Variants in FSCN1 observed in about 807,000 individuals in gnomAD.
FSCN1 encodes fascin.
In FSCN1, 10 loss-of-function variants were observed where a neutral mutation model predicts 39.7. That is an observed-to-expected ratio of 0.25 (90% CI 0.16 to 0.43). FSCN1 has a LOEUF of 0.43. Among genes scored for constraint, FSCN1 ranks in the 20% least tolerant of loss-of-function variants. The pLI, the probability that FSCN1 is intolerant of heterozygous loss-of-function variation, is 1.00. For synonymous variants in FSCN1, 322 were observed against 320.0 expected (o/e 1.01, Z -0.07); for missense variants, 525 against 723.8 (o/e 0.73, Z 3.15).
chr7:5,598,331 C>A (rs999176004), intron 1 of FSCN1, among the ~76,000 whole-genome samples: 1 of 152,202 alleles, frequency 6.6e-6, no homozygotes, highest in Non-Finnish European at 1.5e-5. Context: ...GTACAGATGG[C>A]GGCAGTTGTG....
At chr7:5,598,832 C>G (rs555550934) in intron 1 of FSCN1, among the ~76,000 whole-genome samples, 1 of 152,226 alleles carries the variant, frequency 6.6e-6, no homozygotes, top group Non-Finnish European at 1.5e-5. Flanking sequence ...TTCAGCGGAG[C>G]CCCAGCGCAT....
intron 1 of FSCN1, chr7:5,594,005 C>T: frequency 1.9e-6 from 1 of 540,532 alleles, no homozygotes; most frequent in Non-Finnish European, 3.2e-6. Context: ...ATGGGCTCCC[C>T]TAGGCCCCGC....
intron 1 of FSCN1, among the ~76,000 whole-genome samples, chr7:5,598,603 A>G (rs996805080): frequency 2.0e-5 from 3 of 152,042 alleles, no homozygotes; most frequent in African/African-American, 7.2e-5. Flanking sequence ...AGCCCTGTAA[A>G]CCCTAGGACG....
At chr7:5,602,038 A>T (rs1640238) in intron 1 of FSCN1, among the ~76,000 whole-genome samples, 2 of 148,576 alleles carry the variant, frequency 1.3e-5, no homozygotes, top group African/African-American at 5.0e-5. Context: ...TCCGCCTCCC[A>T]GGTTGAAGTG....
rs1039140885 is a variant in FSCN1, at chr7:5,598,037, G to A, written c.832+4269G>A. Among the ~76,000 whole-genome samples, 6 of 152,196 alleles carry A rather than the reference G, an allele frequency of 3.9e-5. No individual in the cohort carries two copies. In the South Asian group the frequency reaches 8.3e-4, roughly 21 times the overall value. ...AAGCGAGGGCCTTGGAGCCAGGAGG[G>A]GCCCTGCTCTACTGGGGGGACGACA... On this transcript the variant is annotated intron_variant, in intron 1 of 4. Coordinates refer to ENST00000382361, the MANE Select transcript of FSCN1 (RefSeq NM_003088.4).
chr7:5,594,163 G>C (rs1196367097), intron 1 of FSCN1: 2 of 204,562 alleles, frequency 9.8e-6, no homozygotes, highest in Admixed American at 6.0e-5. Flanking sequence ...CCCCCCGCCG[G>C]CTGTCCTGGA....
At chr7:5,600,636 C>T (rs113629729) in intron 1 of FSCN1, among the ~76,000 whole-genome samples, 9 of 148,920 alleles carry the variant, frequency 6.0e-5, no homozygotes, top group East Asian at 4.1e-4. Context: ...GGATTACAGG[C>T]GCCCGGCACC....
In FSCN1 at chr7:5,603,841, G is replaced by A. The variant is rs760841615; in HGVS notation, c.1112-22G>A. ...CCCACTCCCTGCCAGGAGGCTCACTGACTCCCCTCTTTCTGGGACAGGGGA... is the reference window on the plus strand; with the variant it reads ...CCCACTCCCTGCCAGGAGGCTCACTAACTCCCCTCTTTCTGGGACAGGGGA... On this transcript the variant is annotated intron_variant, in intron 3 of 4. Coordinates refer to ENST00000382361, the MANE Select transcript of FSCN1 (RefSeq NM_003088.4). The surrounding 1 kb of genome is among the most constrained non-coding windows in gnomAD (Gnocchi z 8.5). The A allele has an allele frequency of 2.4e-5, 38 of 1,607,930 alleles. No individual in the cohort carries two copies. The highest frequency in any genetic ancestry group is 3.1e-5 in the Non-Finnish European group (37 of 1,176,058).
intron 1 of FSCN1, among the ~76,000 whole-genome samples, chr7:5,597,762 G>C (rs1465443944): frequency 6.9e-6 from 1 of 144,404 alleles, no homozygotes. Flanking sequence ...AAAAAAAAAA[G>C]AGAGGATGGC....
At position 5,603,119 on chromosome 7, in the gene FSCN1, T is replaced by C. The variant is rs1785863581; in HGVS notation, c.833-138T>C. The C allele has an allele frequency of 1.1e-6, 1 of 886,650 alleles. No homozygotes were observed. The allele number at this position is 886,650 out of a possible 1,614,324, so 54.9% of individuals were successfully genotyped here. A position where few individuals can be genotyped will look rare whatever the true frequency, so the allele number is the denominator to read the frequency against. On this transcript the variant is annotated intron_variant, in intron 1 of 4. Transcript: ENST00000382361. The surrounding 1 kb of genome is among the most constrained non-coding windows in gnomAD (Gnocchi z 8.5). ...GGTGCTCTCTGCTGCTTCTCATGTGTGCCACTGTGGGGACTCGGCCGCCCA... is the reference window on the plus strand; with the variant it reads ...GGTGCTCTCTGCTGCTTCTCATGTGCGCCACTGTGGGGACTCGGCCGCCCA...
chr7:5,598,810 G>A (rs116880309), intron 1 of FSCN1, among the ~76,000 whole-genome samples: 3,073 of 152,292 alleles, frequency 0.02, 33 homozygotes, highest in Non-Finnish European at 0.031. Flanking sequence ...ACTTCCCTCC[G>A]ATCAGCGGGG....
chr7:5,600,798 C>T (rs1785814916), intron 1 of FSCN1, among the ~76,000 whole-genome samples: 2 of 151,734 alleles, frequency 1.3e-5, no homozygotes, highest in Admixed American at 6.6e-5. Flanking sequence ...GGACTACAGG[C>T]GCCCGCCACC....
Position 5,593,546 on chromosome 7 carries a change from G to C in FSCN1, c.610G>C (p.Ala204Pro). 1 of 1,592,728 alleles carries C rather than the reference G, an allele frequency of 6.3e-7. No homozygotes were observed. The highest frequency in any genetic ancestry group is 8.5e-7 in the Non-Finnish European group (1 of 1,174,348). The change falls in exon 1 of 5, where the codon GCG (alanine) becomes CCG (proline). Residue 204 changes from alanine to proline, a missense_variant. By Grantham distance (27) the Ala-to-Pro change is conservative. This residue lies in a region of FSCN1 where 246 missense variants were observed against 350.6 expected (regional missense o/e 0.70). Transcript: ENST00000382361. ...CCTGCGCCACGACGGGCGCCTGGTG[G>C]CGCGCCCCGAGCCGGCCACTGGCTA... ...RFLRHDGRLV[A>P]RPEPATGYTL... is the part of the protein sequence containing the mutation.
At chr7:5,600,148 A>T (rs1785799399) in intron 1 of FSCN1, among the ~76,000 whole-genome samples, 1 of 152,170 alleles carries the variant, frequency 6.6e-6, no homozygotes. Context: ...GCAGTGGCTC[A>T]TACCTGTAAT....
rs1785863837 is a variant in FSCN1, at chr7:5,603,135, C to T, written c.833-122C>T. Reference sequence around the variant, plus strand: ...TCTCATGTGTGCCACTGTGGGGACTCGGCCGCCCACCCCACCCCGTGGTGT... The same window carrying T: ...TCTCATGTGTGCCACTGTGGGGACTTGGCCGCCCACCCCACCCCGTGGTGT... On this transcript the variant is annotated intron_variant, in intron 1 of 4. Coordinates refer to ENST00000382361, the MANE Select transcript of FSCN1 (RefSeq NM_003088.4). This position sits in a 1 kb window ranked among gnomAD's most constrained non-coding sequence, Gnocchi z 8.5. 2.8e-5 allele frequency: 31 copies of T among 1,124,666 alleles called. No individual in the cohort carries two copies. The highest frequency in any genetic ancestry group is 8.5e-5 in the South Asian group (6 of 70,484). The allele number at this position is 1,124,666 out of a possible 1,614,324, so 69.7% of individuals were successfully genotyped here.
chr7:5,604,304 G>A (rs2966441), intron 4 of FSCN1, among the ~76,000 whole-genome samples: 1 of 151,790 alleles, frequency 6.6e-6, no homozygotes, highest in African/African-American at 2.4e-5. Context: ...GAGCAGGGAA[G>A]GGGAGGGAGG....
chr7:5,598,442 G>T (rs940725348), intron 1 of FSCN1, among the ~76,000 whole-genome samples: 1 of 152,206 alleles, frequency 6.6e-6, no homozygotes, highest in African/African-American at 2.4e-5. Context: ...GATTAAGGCC[G>T]ACGTGCATTC....
intron 1 of FSCN1, among the ~76,000 whole-genome samples, chr7:5,594,339 G>A (rs1340764119): frequency 6.6e-6 from 1 of 151,698 alleles, no homozygotes; most frequent in African/African-American, 2.4e-5. Context: ...TCCCGCTGCC[G>A]GGCGGGGTCG....
intron 4 of FSCN1, among the ~76,000 whole-genome samples, chr7:5,604,323 G>A (rs972607295): frequency 6.6e-6 from 1 of 151,768 alleles, no homozygotes; most frequent in African/African-American, 2.4e-5. Context: ...GGAGAGCAGG[G>A]GAGGGGAGAG....
Sources: allele counts gnomAD v4.1 joint callset (sites outside exome capture counted in the v4.1 genomes callset), GRCh38; gene constraint gnomAD v4.1.1; regional missense constraint gnomAD v4.1.1; non-coding constraint Gnocchi (gnomAD v3.1); transcripts MANE v1.5; gene names NCBI Gene and HGNC (gene_info 2026-07-23, HGNC 2026-07-21).